The following MTA3 variants were observed in gnomAD, a reference collection of about 807,000 sequenced individuals.
MTA3 encodes metastasis-associated protein MTA3.
A neutral mutation model predicts 83.5 loss-of-function variants in MTA3; 34 were observed. The ratio of observed to expected loss-of-function variants is 0.41; its 90% confidence interval spans 0.31 to 0.54. MTA3 has a LOEUF of 0.54. MTA3 is among the 20% of genes least tolerant of loss of function. The pLI is 0.33. For missense variants in MTA3, 761 were observed against 726.4 expected (o/e 1.05, Z -0.55); for synonymous variants, 303 against 252.7 (o/e 1.20, Z -1.89).
At chr2:42,728,422 A>G (rs1374888934) in intron 16 of MTA3, among the ~76,000 whole-genome samples, 1 of 152,198 alleles carries the variant, frequency 6.6e-6, no homozygotes, top group Non-Finnish European at 1.5e-5. Flanking sequence ...TATCTCTTCA[A>G]TACGCTGATT....
At chr2:42,707,094 C>T (rs770992471) in intron 12 of MTA3, among the ~76,000 whole-genome samples, 4 of 151,484 alleles carry the variant, frequency 2.6e-5, no homozygotes, top group African/African-American at 9.7e-5. Context: ...TCTCTGTAGT[C>T]GCTGGGACTA....
chr2:42,522,807 T>C (rs1235984408), intron 2 of MTA3, among the ~76,000 whole-genome samples: 1 of 133,416 alleles, frequency 7.5e-6, no homozygotes, highest in African/African-American at 2.7e-5. Flanking sequence ...ACATGTGGTC[T>C]TTTTTTTTTT....
intron 2 of MTA3, among the ~76,000 whole-genome samples, chr2:42,539,011 T>G (rs1269812202): frequency 2.0e-5 from 3 of 151,462 alleles, no homozygotes. Context: ...CCTGACCTCA[T>G]GATCCACCCG....
chr2:42,676,635 A>T (rs2104422296), intron 8 of MTA3, among the ~76,000 whole-genome samples: 1 of 152,260 alleles, frequency 6.6e-6, no homozygotes, highest in South Asian at 2.1e-4. Flanking sequence ...GCATTGTGGC[A>T]TGCACCTGTA....
At chr2:42,628,038 C>G (rs1351594310) in intron 4 of MTA3, among the ~76,000 whole-genome samples, 1 of 151,524 alleles carries the variant, frequency 6.6e-6, no homozygotes. Flanking sequence ...GTGAGCACCA[C>G]CACGCCCAGC....
chr2:42,572,142 G>T (rs1678561015), intron 2 of MTA3, among the ~76,000 whole-genome samples: 2 of 151,952 alleles, frequency 1.3e-5, no homozygotes, highest in African/African-American at 4.8e-5. Context: ...AGCCGGGCAT[G>T]GTGGTGTGCA....
intron 14 of MTA3, chr2:42,712,895 C>T (rs1666742751): frequency 6.6e-6 from 1 of 151,746 alleles, no homozygotes; most frequent in South Asian, 2.1e-4. Flanking sequence ...CCCTGAGGTC[C>T]CTCCCCCTAG....
rs1223602161 is a variant in MTA3, at chr2:42,592,591, T to C, written c.190+13391T>C. The stretch of plus-strand genomic sequence containing the variant: ...AGATGGAGACCCTGTCTCAAAAAAA[T>C]TCATTTTCACTTTTTAAACTTTTTT... On this transcript the variant is annotated intron_variant, in intron 3 of 16. Coordinates refer to ENST00000405094, the MANE Select transcript of MTA3 (RefSeq NM_001330442.2). 3.3e-5 allele frequency among the ~76,000 whole-genome samples: 5 copies of C among 152,146 alleles called. No individual in the cohort carries two copies. In the East Asian group the frequency reaches 5.8e-4, roughly 18 times the overall value.
chr2:42,679,551 C>T (rs1240181017), intron 8 of MTA3, among the ~76,000 whole-genome samples: 1 of 152,162 alleles, frequency 6.6e-6, no homozygotes, highest in African/African-American at 2.4e-5. Context: ...ACCTAAGGCA[C>T]AGTGGTGGCA....
chr2:42,674,211 G>A (rs574916251), intron 8 of MTA3, among the ~76,000 whole-genome samples: 1 of 152,324 alleles, frequency 6.6e-6, no homozygotes, highest in African/African-American at 2.4e-5. Context: ...CAAGTCACAT[G>A]GCCAAGCCCA....
At chr2:42,532,955 A>G (rs1167578352) in intron 2 of MTA3, 3 of 226,386 alleles carry the variant, frequency 1.3e-5, no homozygotes, top group African/African-American at 7.0e-5. Flanking sequence ...AGAGTGCTTA[A>G]TGTGCTCAAT....
intron 6 of MTA3, among the ~76,000 whole-genome samples, chr2:42,653,971 C>A (rs1383803147): frequency 6.6e-6 from 1 of 152,210 alleles, no homozygotes; most frequent in East Asian, 1.9e-4. Flanking sequence ...TCTCCATTCT[C>A]AGGTTTCATG....
At chr2:42,704,088 T>C in intron 11 of MTA3, 106 bp from the exon 12 acceptor site, 1 of 1,266,000 alleles carries the variant, frequency 7.9e-7, no homozygotes, top group Non-Finnish European at 1.1e-6. Flanking sequence ...CATTTTAAAA[T>C]GTTTGTTTAT....
chr2:42,681,615 C>G (rs1250218850), intron 8 of MTA3, among the ~76,000 whole-genome samples: 1 of 152,086 alleles, frequency 6.6e-6, no homozygotes, highest in African/African-American at 2.4e-5. Flanking sequence ...TGGGCTCAAG[C>G]ATTCCTCCCA....
chr2:42,680,492 A>G (rs1408503886), intron 8 of MTA3, among the ~76,000 whole-genome samples: 1 of 152,214 alleles, frequency 6.6e-6, no homozygotes, highest in African/African-American at 2.4e-5. Context: ...GCAAGACTTT[A>G]AGTTTATGTG....
intron 16 of MTA3, among the ~76,000 whole-genome samples, chr2:42,751,246 C>CA (rs1399062264): frequency 6.6e-6 from 1 of 151,912 alleles, no homozygotes; most frequent in Non-Finnish European, 1.5e-5. Flanking sequence ...GAAAATTTTG[C>CA]AAAAAACAAA....
chr2:42,754,095 A>G lies in MTA3; in HGVS notation c.*696A>G, dbSNP rs866666792. The G allele has an allele frequency of 5.1e-6, 5 of 985,344 alleles. No individual in the cohort carries two copies. The South Asian group carries it at 2.3e-4, about 46-fold the overall frequency. The allele number at this position is 985,344 out of a possible 1,614,324, so 61.0% of individuals were successfully genotyped here. ...CATCATCTGTGTTTTGTGGTTGGAGAGAAACTGGTGTTCTGCCCGGCTCTG... is the reference window on the plus strand; with the variant it reads ...CATCATCTGTGTTTTGTGGTTGGAGGGAAACTGGTGTTCTGCCCGGCTCTG... On this transcript the variant is annotated 3_prime_UTR_variant, in exon 17 of 17. Coordinates refer to ENST00000405094, the MANE Select transcript of MTA3 (RefSeq NM_001330442.2).
At chr2:42,690,728 G>A (rs1180662860) in intron 9 of MTA3, among the ~76,000 whole-genome samples, 11 of 146,898 alleles carry the variant, frequency 7.5e-5, no homozygotes, top group Admixed American at 7.5e-4. Context: ...AGGCTGGAGT[G>A]CAGTGGCGCA....
intron 3 of MTA3, among the ~76,000 whole-genome samples, chr2:42,588,879 T>C (rs1299251761): frequency 6.6e-6 from 1 of 152,126 alleles, no homozygotes; most frequent in Non-Finnish European, 1.5e-5. Flanking sequence ...TGCAAGGAAC[T>C]GGTTTACATA....
Sources: gnomAD v4.1 joint callset for allele counts (sites outside exome capture counted in the v4.1 genomes callset) on GRCh38, gnomAD v4.1.1 for gene constraint, MANE v1.5 for transcripts, NCBI Gene and HGNC (gene_info 2026-07-23, HGNC 2026-07-21) for gene names.